Variants in TRIM67 observed in about 807,000 individuals in gnomAD.
TRIM67 encodes the protein tripartite motif-containing protein 67.
In TRIM67, 39 loss-of-function variants were observed where a neutral mutation model predicts 71.0. That is an observed-to-expected ratio of 0.55 (90% CI 0.43 to 0.72). TRIM67 has a LOEUF of 0.72. Ranked by LOEUF, TRIM67 falls within the 30% of genes least tolerant of loss-of-function variation. The pLI is 0.00. For synonymous variants in TRIM67, 481 were observed against 473.9 expected (o/e 1.01, Z -0.19); for missense variants, 973 against 1,079.2 (o/e 0.90, Z 1.38).
In TRIM67 at chr1:231,221,176, GA is replaced by G. The variant is rs1684130107; in HGVS notation, c.*5739del. On this transcript the variant is annotated 3_prime_UTR_variant, in exon 10 of 10. Coordinates refer to ENST00000366653, the MANE Select transcript of TRIM67 (RefSeq NM_001004342.5). The stretch of plus-strand genomic sequence containing the variant: ...TAACGTTGGCAAAGGGATTTAACAA[GA>G]AACAAAAAGCTTCGCGTCCTTGTTT... 1 of 152,208 alleles carries G rather than the reference GA, an allele frequency of 6.6e-6. No individual in the cohort carries two copies. The allele number at this position is 152,208 out of a possible 1,614,324, so 9.4% of individuals were successfully genotyped here.
chr1:231,183,014 A>G (rs1682949179), intron 1 of TRIM67, among the ~76,000 whole-genome samples: 1 of 152,220 alleles, frequency 6.6e-6, no homozygotes, highest in Non-Finnish European at 1.5e-5. Flanking sequence ...CACTGTTAAC[A>G]AGATAGGTTG....
At chr1:231,196,211 C>T (rs1683368153) in intron 1 of TRIM67, among the ~76,000 whole-genome samples, 1 of 152,066 alleles carries the variant, frequency 6.6e-6, no homozygotes, top group African/African-American at 2.4e-5. Flanking sequence ...TGAGCAGAGA[C>T]CTGGGAGGGG....
At chr1:231,176,324 A>G (rs9431950) in intron 1 of TRIM67, among the ~76,000 whole-genome samples, 49,892 of 152,010 alleles carry the variant, frequency 0.33, 8,483 homozygotes, top group South Asian at 0.47. Flanking sequence ...CCCTCCTTGT[A>G]ATGTGAATAA....
intron 1 of TRIM67, among the ~76,000 whole-genome samples, chr1:231,179,200 G>A (rs1271321105): frequency 6.6e-6 from 1 of 152,250 alleles, no homozygotes; most frequent in Non-Finnish European, 1.5e-5. Context: ...ACCTGCCCCA[G>A]GGCCCTGTCC....
intron 1 of TRIM67, among the ~76,000 whole-genome samples, chr1:231,170,278 G>C (rs531877273): frequency 6.6e-6 from 1 of 152,238 alleles, no homozygotes; most frequent in East Asian, 1.9e-4. Flanking sequence ...GAGCCACCGT[G>C]CCCAGTCTTT....
chr1:231,202,156 A>AGGAGGAGAT, intron 5 of TRIM67, among the ~76,000 whole-genome samples: 1 of 2,520 alleles, frequency 4.0e-4, no homozygotes, highest in Admixed American at 6.8e-3. Context: ...GAGGTAGCGG[A>AGGAGGAGAT]GGAGGAGGTA....
At chr1:231,170,944 C>T (rs1229553389) in intron 1 of TRIM67, among the ~76,000 whole-genome samples, 1 of 152,226 alleles carries the variant, frequency 6.6e-6, no homozygotes, top group Non-Finnish European at 1.5e-5. Flanking sequence ...TCAGCATCAA[C>T]CTGGGAGCTC....
chr1:231,209,385 C>CTAGAAAATGGAGACCA lies in TRIM67; in HGVS notation c.2123+135_2123+136insTAGAAAATGGAGACCA. 1 of 1,037,534 alleles carries CTAGAAAATGGAGACCA rather than the reference C, an allele frequency of 9.6e-7. No individual in the cohort carries two copies. Among genetic ancestry groups the CTAGAAAATGGAGACCA allele is most frequent in the Non-Finnish European group, 1.4e-6 (1 of 740,078 alleles). The allele number at this position is 1,037,534 out of a possible 1,614,324, so 64.3% of individuals were successfully genotyped here. On this transcript the variant is annotated intron_variant, in intron 8 of 9. Coordinates refer to ENST00000366653, the MANE Select transcript of TRIM67 (RefSeq NM_001004342.5). This position sits in a 1 kb window ranked among gnomAD's most constrained non-coding sequence, Gnocchi z 4.1. ...AGGTATTTTCAGCCACTTTGGTCTC[C>CTAGAAAATGGAGACCA]ATTTTCTAGGAGGCCTTCACTCTGC...
At chr1:231,182,519 G>A (rs556719439) in intron 1 of TRIM67, among the ~76,000 whole-genome samples, 79 of 152,312 alleles carry the variant, frequency 5.2e-4, no homozygotes, top group Middle Eastern at 3.4e-3. Context: ...GGGGGAGGTT[G>A]CACAATCCAG....
At chr1:231,214,333 G>C (rs1683954544) in intron 9 of TRIM67, among the ~76,000 whole-genome samples, 1 of 152,144 alleles carries the variant, frequency 6.6e-6, no homozygotes. Context: ...CTTCGTCTTA[G>C]TAGAGTCCTC....
At chr1:231,189,222 A>G (rs1683168713) in intron 1 of TRIM67, among the ~76,000 whole-genome samples, 1 of 152,198 alleles carries the variant, frequency 6.6e-6, no homozygotes, top group South Asian at 2.1e-4. Flanking sequence ...CACATGTGAA[A>G]TGAGGTTTTT....
At chr1:231,212,421 T>C (rs530332748) in intron 8 of TRIM67, among the ~76,000 whole-genome samples, 7 of 152,182 alleles carry the variant, frequency 4.6e-5, no homozygotes, top group Non-Finnish European at 8.8e-5. Context: ...GCCAACTCCT[T>C]ACGGAAGGGG....
chr1:231,165,475 T>G (rs1427064850), intron 1 of TRIM67, among the ~76,000 whole-genome samples: 1 of 152,236 alleles, frequency 6.6e-6, no homozygotes, highest in Non-Finnish European at 1.5e-5. Context: ...CTGCTTATTG[T>G]ATAATCCTAA....
At chr1:231,208,287 C>T (rs942140303) in intron 7 of TRIM67, among the ~76,000 whole-genome samples, 5 of 151,960 alleles carry the variant, frequency 3.3e-5, no homozygotes, top group Admixed American at 3.3e-4. Context: ...CTTTCTCCTG[C>T]CTCAGCCTCC....
rs748161990 is a variant in TRIM67, at chr1:231,184,758, C to G, written c.1045-12613C>G. On this transcript the variant is annotated intron_variant, in intron 1 of 9. Transcript: ENST00000366653. ...CTGGGGTTCTCATTCTACCGAGAAC[C>G]ACCATGAGTAGAGTGCCAGTCCCTG... 15 of 518,556 alleles carry G rather than the reference C, an allele frequency of 2.9e-5. 1 individual carries two copies. The highest frequency in any genetic ancestry group is 4.5e-5 in the Non-Finnish European group (13 of 291,266). 32.1% of individuals were successfully genotyped at this position (518,556 alleles called of 1,614,324 possible).
Position 231,163,205 on chromosome 1 carries a change from G to C in TRIM67, c.236G>C (p.Gly79Ala). The change falls in exon 1 of 10, where the codon GGT (glycine) becomes GCT (alanine). Residue 79 changes from glycine (G) to alanine (A), a missense_variant. Around this residue, in one of 2 missense-constraint regions of TRIM67, gnomAD observed 795 missense variants for 831.3 expected, o/e 0.96. Transcript: ENST00000366653. ...HDAAAGPACG[G>A]AGGSAAGGLG... ...GCTGCGGCTGGCCCGGCCTGCGGCG[G>C]TGCAGGCGGGAGTGCAGCTGGCGGC... is the stretch of plus-strand genomic sequence containing the variant. The C allele has an allele frequency of 1.3e-6, 2 of 1,491,736 alleles. No individual in the cohort carries two copies. Among genetic ancestry groups the C allele is most frequent in the Non-Finnish European group, 1.8e-6 (2 of 1,122,522 alleles). 92.4% of individuals were successfully genotyped at this position (1,491,736 alleles called of 1,614,324 possible). A position where few individuals can be genotyped will look rare whatever the true frequency, so the allele number is the denominator to read the frequency against.
intron 1 of TRIM67, among the ~76,000 whole-genome samples, chr1:231,172,494 G>A (rs1682643376): frequency 6.6e-6 from 1 of 152,206 alleles, no homozygotes; most frequent in Admixed American, 6.5e-5. Context: ...GAGATGTGGT[G>A]TGGAGGAGAG....
At position 231,163,053 on chromosome 1, in the gene TRIM67, G is replaced by A. The variant is rs1421260755; in HGVS notation, c.84G>A (p.Leu28=). Residue 28 remains leucine, a synonymous_variant, in exon 1 of 10, where the codon CTG becomes CTA. Transcript: ENST00000366653. ...IILPCSHNVC[L]PCARTIAVQT... ...TGCCCTGTTCCCACAATGTCTGCCTGCCTTGCGCTCGCACCATCGCGGTGC... is the reference window on the plus strand; with the variant it reads ...TGCCCTGTTCCCACAATGTCTGCCTACCTTGCGCTCGCACCATCGCGGTGC... The A allele has an allele frequency of 6.2e-7, 1 of 1,609,706 alleles. No individual in the cohort carries two copies. The highest frequency in any genetic ancestry group is 8.5e-7 in the Non-Finnish European group (1 of 1,178,166).
intron 1 of TRIM67, chr1:231,184,382 AGG>A: frequency 6.6e-6 from 1 of 152,370 alleles, no homozygotes; most frequent in Non-Finnish European, 1.5e-5. Flanking sequence ...CAGTGTGAGC[AGG>A]AACAGACAGC....
Sources: gnomAD v4.1 joint callset for allele counts (sites outside exome capture counted in the v4.1 genomes callset) on GRCh38, gnomAD v4.1.1 for gene constraint, gnomAD v4.1.1 regional missense constraint, Gnocchi (gnomAD v3.1) non-coding constraint, MANE v1.5 for transcripts, NCBI Gene and HGNC (gene_info 2026-07-23, HGNC 2026-07-21) for gene names.